The following INPP4B variants were observed in gnomAD, a reference collection of about 807,000 sequenced individuals.
INPP4B encodes inositol polyphosphate 4-phosphatase type II.
A neutral mutation model predicts 122.5 loss-of-function variants in INPP4B; 55 were observed. The ratio of observed to expected loss-of-function variants is 0.45; its 90% CI spans 0.36 to 0.56. The LOEUF (loss-of-function observed/expected upper bound fraction) is 0.56. Among genes scored for constraint, INPP4B ranks in the 20% least tolerant of loss-of-function variants. INPP4B has a pLI of 0.00. For synonymous variants in INPP4B, 403 were observed against 388.7 expected (o/e 1.04, Z -0.43); for missense variants, 1,000 against 1,097.7 (o/e 0.91, Z 1.26).
Position 142,443,422 on chromosome 4 carries a change from C to T in INPP4B, c.-126-12037G>A, listed in dbSNP as rs865825814. ...TACAGAACAAAAATGACAGACCCTGCTGACCTTAGGTGAAGACTCATTGAA... is the reference window on the plus strand; with the variant it reads ...TACAGAACAAAAATGACAGACCCTGTTGACCTTAGGTGAAGACTCATTGAA... On this transcript the variant is annotated intron_variant, in intron 3 of 25. Transcript: ENST00000262992. Among the ~76,000 whole-genome samples, 8 of 152,252 alleles carry T rather than the reference C, an allele frequency of 5.3e-5. No individual in the cohort carries two copies. In the South Asian group the frequency reaches 1.7e-3, roughly 32 times the overall value.
intron 14 of INPP4B, among the ~76,000 whole-genome samples, chr4:142,204,756 C>A (rs1013409341): frequency 1.3e-5 from 2 of 152,014 alleles, no homozygotes; most frequent in Non-Finnish European, 2.9e-5. Context: ...CATTAGCAGG[C>A]CAATGATTGC....
chr4:142,416,978 T>G, intron 5 of INPP4B, among the ~76,000 whole-genome samples: 1 of 152,154 alleles, frequency 6.6e-6, no homozygotes, highest in Admixed American at 6.6e-5. Flanking sequence ...GTCTAATTAC[T>G]TGGAGCAAAA....
intron 3 of INPP4B, among the ~76,000 whole-genome samples, chr4:142,436,843 G>C (rs892715879): frequency 6.6e-6 from 1 of 150,886 alleles, no homozygotes; most frequent in African/African-American, 2.4e-5. Flanking sequence ...CCAAAGGCCA[G>C]AGTGCCTCTT....
At position 142,208,671 on chromosome 4, in the gene INPP4B, C is replaced by G. The variant is rs940058521; in HGVS notation, c.968-142G>C. 3 of 545,000 alleles carry G rather than the reference C, an allele frequency of 5.5e-6. No homozygotes were observed. The African/African-American group carries it at 5.9e-5, about 11-fold the overall frequency. 33.8% of individuals were successfully genotyped at this position (545,000 alleles called of 1,614,324 possible). On this transcript the variant is annotated intron_variant, in intron 13 of 25. Transcript: ENST00000262992. ...ATATTTATGAGTTGCTTTTCTTTTACAAATTCAATATTTTTAAAAATTGTC... is the reference window on the plus strand; with the variant it reads ...ATATTTATGAGTTGCTTTTCTTTTAGAAATTCAATATTTTTAAAAATTGTC...
chr4:142,580,141 C>T (rs1294335044), intron 2 of INPP4B, among the ~76,000 whole-genome samples: 1 of 151,228 alleles, frequency 6.6e-6, no homozygotes, highest in African/African-American at 2.4e-5. Context: ...AGGAATTACC[C>T]AGGAGAGCAT....
chr4:142,072,918 T>A (rs1392865233), intron 25 of INPP4B, among the ~76,000 whole-genome samples: 1 of 152,078 alleles, frequency 6.6e-6, no homozygotes, highest in African/African-American at 2.4e-5. Flanking sequence ...ACCTAAGGCC[T>A]CTTAGAATTT....
intron 10 of INPP4B, among the ~76,000 whole-genome samples, chr4:142,262,195 A>G (rs1298535335): frequency 1.3e-5 from 2 of 152,192 alleles, no homozygotes; most frequent in Non-Finnish European, 2.9e-5. Context: ...CTACTCTACA[A>G]TGAATAATAA....
At chr4:142,784,217 G>T (rs1447015009) in intron 1 of INPP4B, among the ~76,000 whole-genome samples, 1 of 151,836 alleles carries the variant, frequency 6.6e-6, no homozygotes, top group Non-Finnish European at 1.5e-5. Context: ...TCAAAAATTA[G>T]CCGGGCGTGG....
Position 142,253,126 on chromosome 4 carries a change from A to G in INPP4B, c.688+7366T>C, listed in dbSNP as rs147819422. 3.3e-3 allele frequency among the ~76,000 whole-genome samples: 509 copies of G among 152,284 alleles called. 3 individuals are homozygous for G. The highest frequency in any genetic ancestry group is 0.012 in the African/African-American group (496 of 41,560). On this transcript the variant is annotated intron_variant, in intron 11 of 25. Coordinates refer to ENST00000262992, the MANE Select transcript of INPP4B (RefSeq NM_001101669.3). ...AACATAGAAAAGGTACAGTAAAAAT[A>G]TGGTATAAAAGATTAAAAATGGTAC... is the stretch of plus-strand genomic sequence containing the variant.
At chr4:142,245,548 T>C (rs1451358385) in intron 11 of INPP4B, among the ~76,000 whole-genome samples, 1 of 152,044 alleles carries the variant, frequency 6.6e-6, no homozygotes, top group Non-Finnish European at 1.5e-5. Context: ...TGAAATTTTC[T>C]TTTTTTGTTG....
In INPP4B at chr4:142,305,537, G is replaced by A. The variant is rs1330358087; in HGVS notation, c.424C>T (p.Arg142Ter). The part of the protein sequence containing the change: ...EHKDPPPEVG[R>*]SFLGYASFKV... Reference sequence around the variant, plus strand: ...AAACTGGCATAGCCCAAGAAACTTCGCTGAAAATAACAGAAAGAATGGTTT... The same window carrying A: ...AAACTGGCATAGCCCAAGAAACTTCACTGAAAATAACAGAAAGAATGGTTT... The change falls in exon 9 of 26, where the codon CGA becomes TGA. Residue 142 changes from arginine (R) to a stop codon, truncating the protein, a stop_gained and splice_region_variant. Transcript: ENST00000262992. LOFTEE classifies it high-confidence loss of function. 2.5e-6 allele frequency: 4 copies of A among 1,609,776 alleles called. No homozygotes were observed. Among genetic ancestry groups the A allele is most frequent in the Non-Finnish European group, 3.4e-6 (4 of 1,178,260 alleles).
At chr4:142,554,188 CA>C (rs758209943) in intron 2 of INPP4B, among the ~76,000 whole-genome samples, 94 of 97,190 alleles carry the variant, frequency 9.7e-4, no homozygotes, top group Non-Finnish European at 1.2e-3. Flanking sequence ...AACTCCATCT[CA>C]AAAAAAAAAA....
At chr4:142,663,622 A>AT (rs1191407893) in intron 2 of INPP4B, among the ~76,000 whole-genome samples, 1 of 152,006 alleles carries the variant, frequency 6.6e-6, no homozygotes, top group African/African-American at 2.4e-5. Flanking sequence ...TTAACTGTAT[A>AT]TTTTTTGAAA....
intron 2 of INPP4B, among the ~76,000 whole-genome samples, chr4:142,708,410 A>G (rs1208523992): frequency 1.3e-5 from 2 of 152,006 alleles, no homozygotes; most frequent in East Asian, 3.9e-4. Context: ...ATTTCAGAAA[A>G]CTTCAAGGCA....
intron 7 of INPP4B, among the ~76,000 whole-genome samples, chr4:142,397,261 A>G (rs1799650850): frequency 6.6e-6 from 1 of 152,226 alleles, no homozygotes; most frequent in Non-Finnish European, 1.5e-5. Context: ...GCAGAGGCTG[A>G]ATGAATGAGC....
chr4:142,204,844 A>G (rs1336818076), intron 14 of INPP4B, among the ~76,000 whole-genome samples: 2 of 152,056 alleles, frequency 1.3e-5, no homozygotes, highest in Non-Finnish European at 2.9e-5. Flanking sequence ...CCCTGATGAC[A>G]TTTTGATTTC....
At position 142,681,290 on chromosome 4, in the gene INPP4B, C is replaced by T. The variant is rs1242659268; in HGVS notation, c.-191+44549G>A. On this transcript the variant is annotated intron_variant, in intron 2 of 25. Transcript: ENST00000262992. Reference sequence around the variant, plus strand: ...TGAGCCATGGATCTGAAGTCAATGTCGTTTCCTAGCACAGCCATTATAGGC... The same window carrying T: ...TGAGCCATGGATCTGAAGTCAATGTTGTTTCCTAGCACAGCCATTATAGGC... Among the ~76,000 whole-genome samples, 6 of 151,802 alleles carry T rather than the reference C, an allele frequency of 4.0e-5. 1 individual carries two copies. The highest frequency in any genetic ancestry group is 4.2e-4 in the South Asian group (2 of 4,808).
intron 2 of INPP4B, among the ~76,000 whole-genome samples, chr4:142,692,914 T>TATAGATAGATAGATAGATAGATAG (rs3080817): frequency 0.029 from 4,342 of 148,316 alleles, 83 homozygotes; most frequent in Non-Finnish European, 0.039. Context: ...GGCTAGTCTC[T>TATAGATAGATAGATAGATAGATAG]ATAGATAGAT....
intron 1 of INPP4B, among the ~76,000 whole-genome samples, chr4:142,737,470 A>C (rs1767133119): frequency 6.6e-6 from 1 of 152,126 alleles, no homozygotes; most frequent in Non-Finnish European, 1.5e-5. Flanking sequence ...TTCAAGATGG[A>C]TTAAAGACTT....
Sources: allele counts gnomAD v4.1 joint callset (sites outside exome capture counted in the v4.1 genomes callset), GRCh38; gene constraint gnomAD v4.1.1; transcripts MANE v1.5; gene names NCBI Gene and HGNC (gene_info 2026-07-23, HGNC 2026-07-21).